The following SCFD2 variants were observed in gnomAD, a reference collection of about 807,000 sequenced individuals.
The protein encoded by SCFD2 is sec1 family domain-containing protein 2.
Under a neutral mutation model 58.9 loss-of-function variants are expected in SCFD2, and 54 were observed. The observed-to-expected ratio is 0.92, with a 90% CI of 0.74 to 1.15. The LOEUF is 1.15. SCFD2 is among the 50% of genes most tolerant of loss of function. The pLI is 0.00. For missense variants in SCFD2, 805 were observed against 836.6 expected (o/e 0.96, Z 0.47); for synonymous variants, 321 against 335.9 (o/e 0.96, Z 0.49).
intron 5 of SCFD2, among the ~76,000 whole-genome samples, chr4:52,990,693 T>C (rs1365783405): frequency 6.6e-6 from 1 of 152,152 alleles, no homozygotes; most frequent in African/African-American, 2.4e-5. Context: ...TACTAAAGCA[T>C]ACACAAATTG....
chr4:53,200,136 C>T (rs957078593), intron 4 of SCFD2, among the ~76,000 whole-genome samples: 13 of 152,094 alleles, frequency 8.5e-5, no homozygotes, highest in Non-Finnish European at 1.3e-4. Flanking sequence ...CTTCAGCATA[C>T]GGGTTTTGGC....
intron 4 of SCFD2, among the ~76,000 whole-genome samples, chr4:53,183,513 G>T (rs1237097165): frequency 6.6e-6 from 1 of 152,086 alleles, no homozygotes; most frequent in African/African-American, 2.4e-5. Flanking sequence ...TGGGGTGGGG[G>T]AGTGGGGAGG....
intron 5 of SCFD2, among the ~76,000 whole-genome samples, chr4:53,031,374 C>T (rs1157790008): frequency 1.3e-5 from 2 of 152,188 alleles, no homozygotes; most frequent in Non-Finnish European, 2.9e-5. Flanking sequence ...CTCTTCTCCT[C>T]TAAAGGATCA....
In SCFD2 at chr4:52,920,881, C is replaced by T. The variant is rs1408661034; in HGVS notation, c.1562-11G>A. ...TTGAAGAGTCCCAGTCTGAAAAAAT[C>T]CAGAGATATTTTCTTGAGTGAGTAA... On this transcript the variant is annotated splice_polypyrimidine_tract_variant and intron_variant, in intron 5 of 8. Coordinates refer to ENST00000401642, the MANE Select transcript of SCFD2 (RefSeq NM_152540.4). The T allele has an allele frequency of 7.6e-6, 12 of 1,587,330 alleles. No individual in the cohort carries two copies. Among genetic ancestry groups the T allele is most frequent in the Admixed American group, 1.8e-5 (1 of 56,416 alleles).
intron 7 of SCFD2, among the ~76,000 whole-genome samples, chr4:52,905,332 C>T (rs1719319066): frequency 6.6e-6 from 1 of 152,234 alleles, no homozygotes; most frequent in Admixed American, 6.5e-5. Context: ...CCAGAGGTAA[C>T]TCTTTGCTCT....
chr4:53,184,378 A>G (rs941714410), intron 4 of SCFD2, among the ~76,000 whole-genome samples: 2 of 152,068 alleles, frequency 1.3e-5, no homozygotes, highest in African/African-American at 4.8e-5. Flanking sequence ...TTCTGTTTCT[A>G]TCTTTGATCT....
intron 4 of SCFD2, among the ~76,000 whole-genome samples, chr4:53,172,301 C>A (rs933150207): frequency 6.6e-6 from 1 of 152,136 alleles, no homozygotes; most frequent in Non-Finnish European, 1.5e-5. Context: ...CCACACCTGG[C>A]CCTGTCATTG....
chr4:53,172,169 G>A (rs1335754641), intron 4 of SCFD2, among the ~76,000 whole-genome samples: 1 of 151,748 alleles, frequency 6.6e-6, no homozygotes, highest in African/African-American at 2.4e-5. Context: ...ACCACACCCA[G>A]CTAATTTTTG....
intron 4 of SCFD2, among the ~76,000 whole-genome samples, chr4:53,217,471 C>T (rs1051318130): frequency 1.6e-4 from 25 of 152,046 alleles, no homozygotes; most frequent in Admixed American, 6.6e-4. Context: ...CAACCCCTGC[C>T]TTTTTTTGTT....
At position 53,303,503 on chromosome 4, in the gene SCFD2, G is replaced by T. The variant is rs191463709; in HGVS notation, c.1135+10133C>A. On this transcript the variant is annotated intron_variant, in intron 3 of 8. Transcript: ENST00000401642. ...ATAGGAATACTTTTACACTGTTGGT[G>T]GGACTGTAAACTAGTGCAACCATTG... 1.9e-3 allele frequency among the ~76,000 whole-genome samples: 293 copies of T among 152,280 alleles called. 3 individuals carry two copies. The highest frequency in any genetic ancestry group is 6.8e-3 in the Middle Eastern group (2 of 294).
intron 2 of SCFD2, among the ~76,000 whole-genome samples, chr4:53,328,104 C>T (rs1008229348): frequency 1.2e-4 from 18 of 151,064 alleles, no homozygotes; most frequent in African/African-American, 4.4e-4. Flanking sequence ...CACTGCAACC[C>T]AGCCTGGGTG....
chr4:53,025,281 A>G (rs993846885), intron 5 of SCFD2, among the ~76,000 whole-genome samples: 1 of 152,226 alleles, frequency 6.6e-6, no homozygotes, highest in African/African-American at 2.4e-5. Flanking sequence ...GTTATCATGA[A>G]TGAAGCACAG....
At chr4:53,232,857 G>A (rs555475039) in intron 4 of SCFD2, among the ~76,000 whole-genome samples, 1 of 152,280 alleles carries the variant, frequency 6.6e-6, no homozygotes, top group South Asian at 2.1e-4. Context: ...CACTTCTGCT[G>A]TGAGTCCTTT....
At chr4:53,317,905 G>A (rs1732913437) in intron 2 of SCFD2, among the ~76,000 whole-genome samples, 1 of 152,218 alleles carries the variant, frequency 6.6e-6, no homozygotes. Flanking sequence ...ACACACAAGT[G>A]CTACAGCAGT....
chr4:53,060,322 T>C (rs1248031815), intron 5 of SCFD2, among the ~76,000 whole-genome samples: 5 of 152,116 alleles, frequency 3.3e-5, no homozygotes, highest in African/African-American at 1.2e-4. Flanking sequence ...GAGGTGGAGA[T>C]TTGGCTCAAG....
At chr4:53,163,471 C>A (rs1464130207) in intron 4 of SCFD2, among the ~76,000 whole-genome samples, 2 of 152,142 alleles carry the variant, frequency 1.3e-5, no homozygotes, top group Admixed American at 6.6e-5. Context: ...CACCTATAAT[C>A]CCAGCACTTA....
Position 53,151,815 on chromosome 4 carries a change from T to C in SCFD2, c.1312-6233A>G, listed in dbSNP as rs1253204113. On this transcript the variant is annotated intron_variant, in intron 4 of 8. Coordinates refer to ENST00000401642, the MANE Select transcript of SCFD2 (RefSeq NM_152540.4). ...TCTGCAGGTTGTACAAGCATGGTAT[T>C]AGCATCTCTTGGCTTCTGGTAAGGC... 2.0e-5 allele frequency among the ~76,000 whole-genome samples: 3 copies of C among 152,246 alleles called. No individual in the cohort carries two copies. In the East Asian group the frequency reaches 5.8e-4, roughly 29 times the overall value.
chr4:53,237,827 A>G (rs1729701419), intron 4 of SCFD2, among the ~76,000 whole-genome samples: 2 of 2,098 alleles, frequency 9.5e-4, no homozygotes, highest in Non-Finnish European at 1.6e-3. Context: ...GGGGCTCCTC[A>G]CTTCCCAGTA....
chr4:53,000,646 T>C (rs1390410174), intron 5 of SCFD2, among the ~76,000 whole-genome samples: 1 of 152,218 alleles, frequency 6.6e-6, no homozygotes, highest in East Asian at 1.9e-4. Flanking sequence ...TCTTGGCCTA[T>C]CTTCCAGGCC....
Sources: allele counts gnomAD v4.1 joint callset (sites outside exome capture counted in the v4.1 genomes callset), GRCh38; gene constraint gnomAD v4.1.1; transcripts MANE v1.5; gene names NCBI Gene and HGNC (gene_info 2026-07-23, HGNC 2026-07-21).